Variants in CENPP observed in about 807,000 individuals in gnomAD.
CENPP encodes the protein centromere protein P.
A neutral mutation model predicts 35.6 loss-of-function variants in CENPP; 24 were observed. The ratio of observed to expected loss-of-function variants is 0.67; its 90% CI spans 0.49 to 0.95. The LOEUF is 0.95. Ranked by LOEUF, CENPP falls within the 40% of genes least tolerant of loss-of-function variation. The pLI is 0.00. For missense variants in CENPP, 332 were observed against 345.3 expected, an observed-to-expected ratio of 0.96 and a Z score of 0.31; for synonymous variants, 120 against 125.5, an observed-to-expected ratio of 0.96 and a Z score of 0.29.
chr9:92,517,980 A>G (rs1266134197), intron 5 of CENPP: 3 of 1,298,612 alleles, frequency 2.3e-6, no homozygotes, highest in Non-Finnish European at 2.1e-6. Context: ...CCACACAAGA[A>G]TAGAATTCTA....
intron 5 of CENPP, among the ~76,000 whole-genome samples, chr9:92,470,507 T>G (rs1450108222): frequency 1.3e-5 from 2 of 152,236 alleles, no homozygotes; most frequent in African/African-American, 4.8e-5. Flanking sequence ...TTGAATGAAA[T>G]CTATAATTTT....
At position 92,554,723 on chromosome 9, in the gene CENPP, C is replaced by T. The variant is rs963859941; in HGVS notation, c.565-56591C>T. Among the ~76,000 whole-genome samples the T allele has an allele frequency of 2.8e-4, 42 of 151,970 alleles. 1 individual carries two copies. The highest frequency in any genetic ancestry group is 9.7e-5 in the African/African-American group (4 of 41,366). On this transcript the variant is annotated intron_variant, in intron 5 of 7. Coordinates refer to ENST00000375587, the MANE Select transcript of CENPP (RefSeq NM_001012267.3). ...CACAATCTCGGTTTACTGCAACCTC[C>T]GCTGCCCGGCTTCAAGCAAGTTTCC...
rs1851364539 is a variant in CENPP, at chr9:92,614,338, C to CT, written c.*1190dup. 6.6e-6 allele frequency: 1 copy of CT among 152,412 alleles called. No individual in the cohort carries two copies. Among genetic ancestry groups the CT allele is most frequent in the Admixed American group, 6.5e-5 (1 of 15,290 alleles). 9.4% of individuals were successfully genotyped at this position (152,412 alleles called of 1,614,324 possible). A position where few individuals can be genotyped will look rare whatever the true frequency, so the allele number is the denominator to read the frequency against. ...GGGTCAAGACAGTACTCAACGGCCA[C>CT]TACCTCCACGCTTCCCAGAGCCTGC... On this transcript the variant is annotated 3_prime_UTR_variant, in exon 8 of 8. Coordinates refer to ENST00000375587, the MANE Select transcript of CENPP (RefSeq NM_001012267.3).
chr9:92,532,029 A>ATTTTTTTTTTTTTTTTTTT (rs201461115), intron 5 of CENPP, among the ~76,000 whole-genome samples: 9 of 91,028 alleles, frequency 9.9e-5, no homozygotes, highest in African/African-American at 2.0e-4. Context: ...TTTTTTTTTT[A>ATTTTTTTTTTTTTTTTTTT]TTTTATTTTT....
At chr9:92,387,637 A>G (rs1478619405) in intron 5 of CENPP, among the ~76,000 whole-genome samples, 5 of 152,216 alleles carry the variant, frequency 3.3e-5, no homozygotes, top group Non-Finnish European at 7.4e-5. Flanking sequence ...CCCTTCCACC[A>G]TGTGGGCATC....
intron 5 of CENPP, among the ~76,000 whole-genome samples, chr9:92,465,876 A>G (rs1419697967): frequency 1.3e-5 from 2 of 149,956 alleles, no homozygotes; most frequent in Non-Finnish European, 3.0e-5. Context: ...TCTGTCACCC[A>G]GGCTGGAGTG....
intron 4 of CENPP, among the ~76,000 whole-genome samples, chr9:92,365,986 C>G (rs1841878013): frequency 6.6e-6 from 1 of 151,458 alleles, no homozygotes; most frequent in South Asian, 2.1e-4. Context: ...CGAGACCATC[C>G]TGGCTAACAT....
intron 5 of CENPP, among the ~76,000 whole-genome samples, chr9:92,463,998 A>G (rs1431759890): frequency 1.3e-5 from 2 of 152,224 alleles, no homozygotes; most frequent in Non-Finnish European, 2.9e-5. Context: ...CTTCTGGATC[A>G]GGTGAGTAGA....
chr9:92,527,889 G>A (rs1848513387), intron 5 of CENPP: 1 of 154,114 alleles, frequency 6.5e-6, no homozygotes, highest in Non-Finnish European at 1.5e-5. Context: ...AAATGAGCAT[G>A]GTTTTGTGGA....
In CENPP at chr9:92,532,342, C is replaced by T. The variant is rs1848850262; in HGVS notation, c.565-78972C>T. Among the ~76,000 whole-genome samples the T allele has an allele frequency of 2.0e-5, 3 of 151,722 alleles. No individual in the cohort carries two copies. In the South Asian group the frequency reaches 6.3e-4, roughly 32 times the overall value. ...AAAGATATAATTTTCTTGTTTTTATCCTATTTGGCACTTCTTGAATTTGTG... is the reference window on the plus strand; with the variant it reads ...AAAGATATAATTTTCTTGTTTTTATTCTATTTGGCACTTCTTGAATTTGTG... On this transcript the variant is annotated intron_variant, in intron 5 of 7. Transcript: ENST00000375587.
chr9:92,398,124 C>G (rs1041451499), intron 5 of CENPP, among the ~76,000 whole-genome samples: 1 of 152,168 alleles, frequency 6.6e-6, no homozygotes, highest in East Asian at 1.9e-4. Context: ...CATAACAAAC[C>G]TACTCACTGG....
intron 5 of CENPP, among the ~76,000 whole-genome samples, chr9:92,554,318 G>A (rs1363709926): frequency 6.6e-6 from 1 of 151,804 alleles, no homozygotes; most frequent in Non-Finnish European, 1.5e-5. Context: ...CCAGTAGCTG[G>A]GATTACAGGC....
At position 92,616,100 on chromosome 9, in the gene CENPP, T is replaced by C; in HGVS notation, c.*2951T>C. On this transcript the variant is annotated 3_prime_UTR_variant, in exon 8 of 8. Coordinates refer to ENST00000375587, the MANE Select transcript of CENPP (RefSeq NM_001012267.3). ...CATTTCAGGATACACAAGCCCCCCA[T>C]TCATTTCCCTCCCTCCCGTTCTCTC... 1.5e-6 allele frequency: 2 copies of C among 1,355,904 alleles called. No homozygotes were observed. Among genetic ancestry groups the C allele is most frequent in the Non-Finnish European group, 2.1e-6 (2 of 960,044 alleles). The allele number at this position is 1,355,904 out of a possible 1,614,324, so 84.0% of individuals were successfully genotyped here.
chr9:92,326,951 T>C (rs1840549729), intron 1 of CENPP, among the ~76,000 whole-genome samples: 1 of 152,234 alleles, frequency 6.6e-6, no homozygotes, highest in South Asian at 2.1e-4. Context: ...AGAAAATGTC[T>C]GCGTGCGGTC....
chr9:92,381,543 C>G (rs1435085611), intron 5 of CENPP, among the ~76,000 whole-genome samples: 1 of 152,222 alleles, frequency 6.6e-6, no homozygotes, highest in African/African-American at 2.4e-5. Flanking sequence ...CTTGGCCTCC[C>G]AAGCCCAGTG....
At chr9:92,496,365 A>C in intron 5 of CENPP, 3 of 1,606,326 alleles carry the variant, frequency 1.9e-6, no homozygotes, top group Non-Finnish European at 2.5e-6. Context: ...GATCTTATGC[A>C]TGAAAATGTG....
At chr9:92,548,956 CA>C (rs1435504457) in intron 5 of CENPP, among the ~76,000 whole-genome samples, 1 of 152,126 alleles carries the variant, frequency 6.6e-6, no homozygotes, top group Non-Finnish European at 1.5e-5. Flanking sequence ...TGAAGAAGAA[CA>C]AGGCTATAAG....
chr9:92,570,303 G>T (rs1157867301), intron 5 of CENPP, among the ~76,000 whole-genome samples: 1 of 152,104 alleles, frequency 6.6e-6, no homozygotes, highest in Non-Finnish European at 1.5e-5. Flanking sequence ...GTTGAATTTT[G>T]TTGAAGGCCT....
At chr9:92,346,671 G>A (rs964119879) in intron 4 of CENPP, among the ~76,000 whole-genome samples, 2 of 152,198 alleles carry the variant, frequency 1.3e-5, no homozygotes, top group Non-Finnish European at 2.9e-5. Context: ...TGGAATGAAG[G>A]GGTGCAATCA....
Sources: allele counts gnomAD v4.1 joint callset (sites outside exome capture counted in the v4.1 genomes callset), GRCh38; gene constraint gnomAD v4.1.1; transcripts MANE v1.5; gene names NCBI Gene and HGNC (gene_info 2026-07-23, HGNC 2026-07-21).